PDSS2: variants seen among roughly 807,000 people sequenced by gnomAD.
PDSS2 encodes decaprenyl diphosphate synthase subunit 2, also known as all trans-polyprenyl-diphosphate synthase PDSS2.
A neutral mutation model predicts 44.5 loss-of-function variants in PDSS2; 31 were observed. The observed-to-expected ratio is 0.70, with a 90% CI of 0.52 to 0.94. PDSS2 has a LOEUF of 0.94. Among genes scored for constraint, PDSS2 ranks in the 40% least tolerant of loss-of-function variants. The pLI, the probability that PDSS2 is intolerant of heterozygous loss-of-function variation, is 0.00. For missense variants in PDSS2, 452 were observed against 482.2 expected (o/e 0.94, Z 0.59); for synonymous variants, 157 against 180.3 (o/e 0.87, Z 1.03).
At chr6:107,418,264 G>A (rs565716205) in intron 1 of PDSS2, among the ~76,000 whole-genome samples, 1 of 152,286 alleles carries the variant, frequency 6.6e-6, no homozygotes, top group South Asian at 2.1e-4. Context: ...AAGGCAGGAG[G>A]GTCAGATTGA....
intron 3 of PDSS2, among the ~76,000 whole-genome samples, chr6:107,249,079 G>A (rs1247601143): frequency 6.6e-6 from 1 of 152,166 alleles, no homozygotes; most frequent in Non-Finnish European, 1.5e-5. Flanking sequence ...TATATATACT[G>A]GATTCTGAAT....
chr6:107,224,515 GGACA>G (rs1773721298), intron 4 of PDSS2, among the ~76,000 whole-genome samples: 1 of 151,408 alleles, frequency 6.6e-6, no homozygotes, highest in African/African-American at 2.5e-5. Flanking sequence ...GGCAGAGCAC[GGACA>G]GAGAGGGCTT....
chr6:107,440,432 T>G (rs1490922652), intron 1 of PDSS2, among the ~76,000 whole-genome samples: 1 of 152,214 alleles, frequency 6.6e-6, no homozygotes, highest in Admixed American at 6.5e-5. Context: ...CACACAATGG[T>G]GAAATAGCCT....
chr6:107,238,700 C>T (rs1239577103), intron 4 of PDSS2, among the ~76,000 whole-genome samples: 1 of 152,094 alleles, frequency 6.6e-6, no homozygotes, highest in Non-Finnish European at 1.5e-5. Context: ...CAGTATAAAC[C>T]ATATTGTCTG....
At chr6:107,329,873 C>T (rs910841433) in intron 2 of PDSS2, among the ~76,000 whole-genome samples, 2 of 151,580 alleles carry the variant, frequency 1.3e-5, no homozygotes, top group Admixed American at 6.6e-5. Context: ...CAGTGGCGGG[C>T]GCCTGTAATC....
At chr6:107,271,624 T>C (rs1293067048) in intron 3 of PDSS2, among the ~76,000 whole-genome samples, 6 of 152,224 alleles carry the variant, frequency 3.9e-5, no homozygotes, top group Non-Finnish European at 8.8e-5. Flanking sequence ...TAGCTGCCCC[T>C]AGACATTTGT....
chr6:107,364,309 G>C (rs892971243), intron 1 of PDSS2, among the ~76,000 whole-genome samples: 4 of 152,258 alleles, frequency 2.6e-5, no homozygotes, highest in African/African-American at 9.6e-5. Flanking sequence ...TGCTGGTCGG[G>C]GAGGTTCGGG....
chr6:107,279,667 A>G (rs1433205465), intron 2 of PDSS2, among the ~76,000 whole-genome samples: 2 of 152,226 alleles, frequency 1.3e-5, no homozygotes, highest in Non-Finnish European at 2.9e-5. Flanking sequence ...AGAGTTATCT[A>G]AACTGGCAGT....
At chr6:107,159,592 ATT>A (rs782057654) in intron 7 of PDSS2, among the ~76,000 whole-genome samples, 7 of 151,018 alleles carry the variant, frequency 4.6e-5, no homozygotes, top group South Asian at 2.1e-4. Flanking sequence ...AATTTTTTGT[ATT>A]TTTTTAGTAG....
chr6:107,221,477 T>C (rs1773606412), intron 4 of PDSS2, among the ~76,000 whole-genome samples: 1 of 152,188 alleles, frequency 6.6e-6, no homozygotes, highest in Admixed American at 6.5e-5. Flanking sequence ...GATTTCCTTT[T>C]TTTTTCCTGA....
At chr6:107,396,527 C>T (rs1487599420) in intron 1 of PDSS2, among the ~76,000 whole-genome samples, 1 of 152,166 alleles carries the variant, frequency 6.6e-6, no homozygotes, top group Non-Finnish European at 1.5e-5. Flanking sequence ...AATGGCAATT[C>T]TAGATCCTGT....
intron 2 of PDSS2, among the ~76,000 whole-genome samples, chr6:107,294,248 C>CAT (rs1474531053): frequency 5.3e-5 from 8 of 152,086 alleles, no homozygotes; most frequent in Non-Finnish European, 1.2e-4. Flanking sequence ...AGTGTCAGGG[C>CAT]ATAGTCTATA....
intron 6 of PDSS2, among the ~76,000 whole-genome samples, chr6:107,205,205 C>T (rs534718665): frequency 3.9e-5 from 6 of 152,236 alleles, no homozygotes; most frequent in East Asian, 1.9e-4. Flanking sequence ...TAGGGACAAG[C>T]GAGTTACAGC....
chr6:107,393,184 C>T (rs867717344), intron 1 of PDSS2, among the ~76,000 whole-genome samples: 11 of 152,044 alleles, frequency 7.2e-5, no homozygotes, highest in African/African-American at 2.7e-4. Flanking sequence ...TTACCTGCAT[C>T]CTACAAATTG....
intron 4 of PDSS2, among the ~76,000 whole-genome samples, chr6:107,239,119 A>T (rs945489490): frequency 1.3e-5 from 2 of 152,160 alleles, no homozygotes; most frequent in Non-Finnish European, 2.9e-5. Flanking sequence ...TCTACTAAAA[A>T]TACAAAAATT....
rs1582930582 is a variant in PDSS2, at chr6:107,315,219, C to G, written c.431+18979G>C. ...GAATTTGCAGATATAACTATTATAA[C>G]CAGAAAGATGTGATCAAGAAGGCAG... On this transcript the variant is annotated intron_variant, in intron 2 of 7. Coordinates refer to ENST00000369037, the MANE Select transcript of PDSS2 (RefSeq NM_020381.4). 2.6e-5 allele frequency among the ~76,000 whole-genome samples: 4 copies of G among 152,058 alleles called. No homozygotes were observed. The East Asian group carries it at 7.7e-4, about 29-fold the overall frequency.
chr6:107,329,336 T>C (rs1777643646), intron 2 of PDSS2, among the ~76,000 whole-genome samples: 1 of 152,190 alleles, frequency 6.6e-6, no homozygotes, highest in South Asian at 2.1e-4. Context: ...TGCTGCCTCT[T>C]GAACTCCCCA....
chr6:107,223,525 A>T (rs1304271654), intron 4 of PDSS2, among the ~76,000 whole-genome samples: 1 of 150,476 alleles, frequency 6.6e-6, no homozygotes, highest in African/African-American at 2.5e-5. Flanking sequence ...ACAGAGTGAG[A>T]CTCCATCTCA....
chr6:107,326,325 G>C lies in PDSS2; in HGVS notation c.431+7873C>G, dbSNP rs113047295. 5.4e-3 allele frequency among the ~76,000 whole-genome samples: 823 copies of C among 151,578 alleles called. 6 individuals are homozygous for C. The highest frequency in any genetic ancestry group is 0.019 in the African/African-American group (805 of 41,412). On this transcript the variant is annotated intron_variant, in intron 2 of 7. Coordinates refer to ENST00000369037, the MANE Select transcript of PDSS2 (RefSeq NM_020381.4). ...GGATTTTGCCATGTTGGCCAGGCTG[G>C]TCTCAAACTCCTGACCTCAAGTGAT...
Sources: gnomAD v4.1 joint callset for allele counts (sites outside exome capture counted in the v4.1 genomes callset) on GRCh38, gnomAD v4.1.1 for gene constraint, MANE v1.5 for transcripts, NCBI Gene and HGNC (gene_info 2026-07-23, HGNC 2026-07-21) for gene names.